Variants in ATF7 observed in about 807,000 individuals in gnomAD.
ATF7 encodes activating transcription factor 7, also known as cyclic AMP-dependent transcription factor ATF-7.
A neutral mutation model predicts 50.4 loss-of-function variants in ATF7; 10 were observed. The observed-to-expected ratio is 0.20, with a 90% CI of 0.12 to 0.34. The LOEUF (loss-of-function observed/expected upper bound fraction) is 0.34, where lower values mean the gene tolerates loss of function less well. ATF7 is among the 10% of genes least tolerant of loss of function. The probability of loss-of-function intolerance (pLI) is 1.00; values close to 1 mark genes in which losing one functional copy is unlikely to be tolerated. For synonymous variants in ATF7, 201 were observed against 226.4 expected, an observed-to-expected ratio of 0.89 and a Z score of 1.01; for missense variants, 465 against 613.9, an observed-to-expected ratio of 0.76 and a Z score of 2.56.
At chr12:53,613,556 T>C (rs1943986802) in intron 1 of ATF7, among the ~76,000 whole-genome samples, 1 of 152,146 alleles carries the variant, frequency 6.6e-6, no homozygotes, top group South Asian at 2.1e-4. Context: ...GGTCTTACTC[T>C]GTTGCCCAAG....
chr12:53,618,941 A>T (rs1489452396), intron 1 of ATF7, among the ~76,000 whole-genome samples: 2 of 151,762 alleles, frequency 1.3e-5, no homozygotes, highest in African/African-American at 4.8e-5. Context: ...AGTCCCAGCT[A>T]CTTGGGAGGC....
chr12:53,597,969 CA>C (rs923622786), intron 2 of ATF7, among the ~76,000 whole-genome samples: 4 of 152,150 alleles, frequency 2.6e-5, no homozygotes, highest in African/African-American at 9.7e-5. Flanking sequence ...CTGGGATTTA[CA>C]TAGCCTTTTT....
At chr12:53,577,977 T>C (rs909171356) in intron 2 of ATF7, among the ~76,000 whole-genome samples, 2 of 152,006 alleles carry the variant, frequency 1.3e-5, no homozygotes, top group Admixed American at 6.6e-5. Flanking sequence ...TCACCTTACC[T>C]ACAGAGGAGC....
chr12:53,603,017 CA>C (rs564129127), intron 1 of ATF7, among the ~76,000 whole-genome samples: 278 of 152,288 alleles, frequency 1.8e-3, no homozygotes, highest in African/African-American at 6.4e-3. Flanking sequence ...AATATAATCA[CA>C]AAATGAGAAT....
chr12:53,612,572 G>A (rs1316142560), intron 1 of ATF7, among the ~76,000 whole-genome samples: 2 of 152,076 alleles, frequency 1.3e-5, no homozygotes, highest in Non-Finnish European at 2.9e-5. Context: ...TTGCCCAACA[G>A]CTGCATTTTT....
At chr12:53,616,082 G>A (rs1290078362) in intron 1 of ATF7, among the ~76,000 whole-genome samples, 1 of 152,104 alleles carries the variant, frequency 6.6e-6, no homozygotes, top group Non-Finnish European at 1.5e-5. Flanking sequence ...CAGATCAGGA[G>A]AAAACAGTAA....
intron 1 of ATF7, among the ~76,000 whole-genome samples, chr12:53,609,850 T>C (rs1279562766): frequency 9.9e-6 from 1 of 101,480 alleles, no homozygotes; most frequent in Non-Finnish European, 1.9e-5. Flanking sequence ...AGGGTCTTGC[T>C]CTGTCGCCCA....
intron 3 of ATF7, among the ~76,000 whole-genome samples, chr12:53,550,323 C>CAAAAAAAA (rs72114384): frequency 1.4e-4 from 18 of 126,376 alleles, no homozygotes; most frequent in African/African-American, 3.0e-4. Flanking sequence ...GACCCTGTCT[C>CAAAAAAAA]AAAAAAAAAA....
intron 2 of ATF7, among the ~76,000 whole-genome samples, chr12:53,579,748 G>A (rs1365206768): frequency 6.6e-6 from 1 of 152,124 alleles, no homozygotes; most frequent in Admixed American, 6.5e-5. Flanking sequence ...CCTGTCCTGA[G>A]GAAACACTCA....
intron 1 of ATF7, among the ~76,000 whole-genome samples, chr12:53,608,338 C>T (rs188239715): frequency 7.3e-5 from 11 of 151,538 alleles, no homozygotes; most frequent in Non-Finnish European, 1.0e-4. Context: ...TTTCTAACTA[C>T]AAAGAAACAG....
At chr12:53,531,985 A>T (rs1402445372) in intron 8 of ATF7, 89 bp from the exon 9 acceptor site, 1 of 1,437,704 alleles carries the variant, frequency 7.0e-7, no homozygotes, top group East Asian at 2.3e-5. Flanking sequence ...TATTGACCTT[A>T]TAGATAGCTA....
intron 2 of ATF7, among the ~76,000 whole-genome samples, chr12:53,562,648 AT>A (rs397957266): frequency 7.6e-5 from 11 of 144,894 alleles, no homozygotes; most frequent in Admixed American, 5.5e-4. Flanking sequence ...AAAAAAAAAA[AT>A]TTTTTTTTGC....
At chr12:53,565,515 C>T (rs1445254075) in intron 2 of ATF7, among the ~76,000 whole-genome samples, 1 of 147,486 alleles carries the variant, frequency 6.8e-6, no homozygotes, top group African/African-American at 2.5e-5. Context: ...GGGCAGGGGG[C>T]AGAGTCTTAC....
intron 2 of ATF7, among the ~76,000 whole-genome samples, chr12:53,563,280 A>G (rs902765155): frequency 6.6e-6 from 1 of 152,204 alleles, no homozygotes; most frequent in Non-Finnish European, 1.5e-5. Context: ...TTATACATAT[A>G]GAATTTTAGT....
intron 2 of ATF7, among the ~76,000 whole-genome samples, chr12:53,570,625 C>A (rs960745248): frequency 6.6e-6 from 1 of 152,124 alleles, no homozygotes. Flanking sequence ...TGAAGGATGT[C>A]AGCAAGAATG....
At chr12:53,584,789 C>T (rs1156795929) in intron 2 of ATF7, among the ~76,000 whole-genome samples, 2 of 152,046 alleles carry the variant, frequency 1.3e-5, no homozygotes, top group East Asian at 1.9e-4. Flanking sequence ...TAGTATGAAA[C>T]GGCCTTATAT....
In ATF7 at chr12:53,552,561, G is replaced by T. The variant is rs1210281470; in HGVS notation, c.125C>A (p.Thr42Asn). The stretch of plus-strand genomic sequence containing the variant: ...AATACCTGCAATGATGACTGAGTCA[G>T]TTCGGGCTGGGCCAAATTTCAATGT... ...EMTLKFGPAR[T>N]DSVIIADQTP... is the part of the protein sequence containing the mutation. The change falls in exon 3 of 12, where the codon ACT (threonine) becomes AAT (asparagine). Residue 42 changes from threonine (T) to asparagine (N), a missense_variant. By Grantham distance (65) the Thr-to-Asn change is moderately conservative. Coordinates refer to ENST00000420353, the MANE Select transcript of ATF7 (RefSeq NM_006856.3). The T allele has an allele frequency of 1.2e-6, 2 of 1,613,872 alleles. No homozygotes were observed. The highest frequency in any genetic ancestry group is 2.7e-5 in the African/African-American group (2 of 75,038).
At chr12:53,547,086 GCC>G (rs1234357300) in intron 3 of ATF7, among the ~76,000 whole-genome samples, 4 of 148,112 alleles carry the variant, frequency 2.7e-5, no homozygotes, top group African/African-American at 5.0e-5. Flanking sequence ...CCGGGTTCAT[GCC>G]ATTCTCCTGC....
intron 2 of ATF7, among the ~76,000 whole-genome samples, chr12:53,574,323 C>G (rs769898510): frequency 6.6e-6 from 1 of 152,182 alleles, no homozygotes; most frequent in Non-Finnish European, 1.5e-5. Context: ...AAGCATTGCA[C>G]CCCTTCCCAC....
Sources: allele counts gnomAD v4.1 joint callset (sites outside exome capture counted in the v4.1 genomes callset), GRCh38; gene constraint gnomAD v4.1.1; transcripts MANE v1.5; gene names NCBI Gene and HGNC (gene_info 2026-07-23, HGNC 2026-07-21).